Variants in WDR17 observed in about 807,000 individuals in gnomAD.
WDR17 encodes WD repeat domain 17.
Under a neutral mutation model 161.7 loss-of-function variants are expected in WDR17, and 143 were observed. That is an observed-to-expected ratio of 0.88 (90% CI 0.77 to 1.02). The LOEUF (loss-of-function observed/expected upper bound fraction) is 1.02. Among genes scored for constraint, WDR17 ranks in the 50% least tolerant of loss-of-function variants. The pLI is 0.00. For synonymous variants in WDR17, 517 were observed against 515.6 expected, an observed-to-expected ratio of 1.00 and a Z score of -0.04; for missense variants, 1,469 against 1,520.9, an observed-to-expected ratio of 0.97 and a Z score of 0.57.
At chr4:176,153,249 G>T (rs556936908) in intron 17 of WDR17, among the ~76,000 whole-genome samples, 1 of 152,304 alleles carries the variant, frequency 6.6e-6, no homozygotes, top group Non-Finnish European at 1.5e-5. Flanking sequence ...TTTGTTCACA[G>T]TAGAATCCGC....
chr4:176,083,688 A>C (rs1253046739), intron 1 of WDR17, among the ~76,000 whole-genome samples: 1 of 152,120 alleles, frequency 6.6e-6, no homozygotes, highest in Non-Finnish European at 1.5e-5. Context: ...GCTGTTGGCT[A>C]TACACTTAGG....
Position 176,181,352 on chromosome 4 carries a change from A to T in WDR17, c.*1773A>T. ...TGTGGTGGTGTGTACCTGTAGTCCC[A>T]GCTACCCAGGAAGCTAAGGCAGGAG... On this transcript the variant is annotated 3_prime_UTR_variant, in exon 29 of 29. Coordinates refer to ENST00000508596, the MANE Select transcript of WDR17 (RefSeq NM_181265.4). 6.0e-6 allele frequency: 1 copy of T among 167,472 alleles called. No homozygotes were observed. Among genetic ancestry groups the T allele is most frequent in the Non-Finnish European group, 1.2e-5 (1 of 80,558 alleles). The allele number at this position is 167,472 out of a possible 1,614,324, so 10.4% of individuals were successfully genotyped here. A position where few individuals can be genotyped will look rare whatever the true frequency, so the allele number is the denominator to read the frequency against.
Position 176,174,655 on chromosome 4 carries a change from G to A in WDR17, c.3386G>A (p.Gly1129Asp). ...NELLILCGYI[G>D]ALLAIRRQYQ... ...TTGCTGATATTATGTGGTTACATTGGTGCATTACTGGCTATCAGAAGACAG... is the reference window on the plus strand; with the variant it reads ...TTGCTGATATTATGTGGTTACATTGATGCATTACTGGCTATCAGAAGACAG... The change falls in exon 26 of 29, where the codon GGT becomes GAT. Residue 1129 changes from glycine to aspartate, a missense_variant. Gly to Asp is a moderately conservative substitution (Grantham distance 94). Transcript: ENST00000508596. 1 of 1,612,102 alleles carries A rather than the reference G, an allele frequency of 6.2e-7. No homozygotes were observed. The highest frequency in any genetic ancestry group is 8.5e-7 in the Non-Finnish European group (1 of 1,178,800).
chr4:176,093,536 C>A (rs984249731), intron 1 of WDR17, among the ~76,000 whole-genome samples: 17 of 152,034 alleles, frequency 1.1e-4, no homozygotes, highest in Admixed American at 4.6e-4. Flanking sequence ...TTATTTATTT[C>A]TATCACTAAT....
intron 7 of WDR17, among the ~76,000 whole-genome samples, chr4:176,133,804 T>C (rs1307853343): frequency 6.6e-6 from 1 of 151,632 alleles, no homozygotes; most frequent in African/African-American, 2.4e-5. Flanking sequence ...TTAATAAACA[T>C]TCTAAAAGGT....
chr4:176,151,162 G>C (rs745748972), intron 16 of WDR17, among the ~76,000 whole-genome samples: 3 of 152,180 alleles, frequency 2.0e-5, no homozygotes, highest in Non-Finnish European at 4.4e-5. Context: ...TTTCCATGAA[G>C]AGGAAGTTAC....
Position 176,181,776 on chromosome 4 carries a change from C to T in WDR17, c.*2197C>T, listed in dbSNP as rs1752186147. On this transcript the variant is annotated 3_prime_UTR_variant, in exon 29 of 29. Transcript: ENST00000508596. ...TTAAGTATATAAACAATCATTACTT[C>T]TGTATTTTTAATGAATGCAGGAAAA... is the stretch of plus-strand genomic sequence containing the variant. 2.0e-5 allele frequency: 3 copies of T among 152,078 alleles called. No homozygotes were observed. The highest frequency in any genetic ancestry group is 4.4e-5 in the Non-Finnish European group (3 of 67,910). 9.4% of individuals were successfully genotyped at this position (152,078 alleles called of 1,614,324 possible).
chr4:176,129,514 T>A (rs1743017079), intron 6 of WDR17, among the ~76,000 whole-genome samples: 1 of 152,110 alleles, frequency 6.6e-6, no homozygotes, highest in Non-Finnish European at 1.5e-5. Context: ...ATAATAGACT[T>A]CCAGTTAAGT....
At chr4:176,169,080 T>C (rs1750315789) in intron 23 of WDR17, among the ~76,000 whole-genome samples, 2 of 152,166 alleles carry the variant, frequency 1.3e-5, no homozygotes, top group South Asian at 2.1e-4. Context: ...CCAAATTAGT[T>C]AGCGGTGGAG....
intron 22 of WDR17, chr4:176,166,094 A>G (rs199620169): frequency 1.2e-5 from 13 of 1,102,596 alleles, no homozygotes; most frequent in Non-Finnish European, 1.7e-5. Context: ...TCGTATAATC[A>G]TGGTATTCAT....
chr4:176,176,412 G>A (rs553133808), intron 26 of WDR17, among the ~76,000 whole-genome samples: 16 of 151,754 alleles, frequency 1.1e-4, no homozygotes, highest in African/African-American at 3.4e-4. Context: ...TCATTCTCTC[G>A]TCCTCTGCTT....
intron 22 of WDR17, among the ~76,000 whole-genome samples, chr4:176,165,438 T>C (rs1385434640): frequency 6.6e-6 from 1 of 152,116 alleles, no homozygotes; most frequent in Non-Finnish European, 1.5e-5. Flanking sequence ...AATATGAGGG[T>C]TAGGGGTGCC....
In WDR17 at chr4:176,074,348, T is replaced by C. The variant is rs575013446; in HGVS notation, c.-7+8269T>C. Among the ~76,000 whole-genome samples the C allele has an allele frequency of 2.1e-5, 3 of 142,916 alleles. No individual in the cohort carries two copies. The South Asian group carries it at 7.2e-4, about 34-fold the overall frequency. The allele number at this position is 142,916 out of a possible 152,430, so 93.8% of individuals were successfully genotyped here. On this transcript the variant is annotated intron_variant, in intron 1 of 28. Coordinates refer to ENST00000508596, the MANE Select transcript of WDR17 (RefSeq NM_181265.4). ...TCCCTCCATTATTTTTATTTTTCTC[T>C]ATTCCACAGATTATCTTGAGAGATA...
intron 22 of WDR17, 72 bp from the exon 23 acceptor site, chr4:176,168,600 C>A (rs1561212041): frequency 1.3e-6 from 2 of 1,577,942 alleles, no homozygotes; most frequent in South Asian, 1.2e-5. Context: ...AATTGCCCTT[C>A]TTTGAGATAG....
At chr4:176,129,644 T>C (rs13148503) in intron 6 of WDR17, among the ~76,000 whole-genome samples, 37,548 of 152,006 alleles carry the variant, frequency 0.25, 4,771 homozygotes, top group South Asian at 0.28. Context: ...TCTTACTCTA[T>C]CTTTATAATA....
chr4:176,151,666 A>G, intron 16 of WDR17, 146 bp from the exon 17 acceptor site: 1 of 670,280 alleles, frequency 1.5e-6, no homozygotes, highest in Admixed American at 3.5e-5. Flanking sequence ...GGTATCCATC[A>G]CCTCAAGCAT....
At chr4:176,176,483 T>C (rs756063747) in intron 26 of WDR17, among the ~76,000 whole-genome samples, 2 of 152,136 alleles carry the variant, frequency 1.3e-5, no homozygotes, top group Non-Finnish European at 2.9e-5. Context: ...CCGTCTCCTT[T>C]CTATACGGTG....
At chr4:176,109,161 A>C (rs374233981) in intron 1 of WDR17, among the ~76,000 whole-genome samples, 1 of 152,184 alleles carries the variant, frequency 6.6e-6, no homozygotes, top group Admixed American at 6.5e-5. Context: ...TATAAACTCA[A>C]TATTTGGTTA....
intron 1 of WDR17, among the ~76,000 whole-genome samples, chr4:176,105,120 A>G (rs1331731654): frequency 6.6e-6 from 1 of 152,012 alleles, no homozygotes; most frequent in African/African-American, 2.4e-5. Context: ...TTTAGTCAAA[A>G]AAGTTCAGAA....
Sources: allele counts gnomAD v4.1 joint callset (sites outside exome capture counted in the v4.1 genomes callset), GRCh38; gene constraint gnomAD v4.1.1; transcripts MANE v1.5; gene names NCBI Gene and HGNC (gene_info 2026-07-23, HGNC 2026-07-21).